Variants in SRBD1 observed in about 807,000 individuals in gnomAD.
The protein encoded by SRBD1 is S1 RNA-binding domain-containing protein 1.
Under a neutral mutation model 115.3 loss-of-function variants are expected in SRBD1, and 88 were observed. That is an observed-to-expected ratio of 0.76 (90% CI 0.64 to 0.91). The LOEUF (loss-of-function observed/expected upper bound fraction) is 0.91, where lower values mean the gene tolerates loss of function less well. Ranked by LOEUF, SRBD1 falls within the 40% of genes least tolerant of loss-of-function variation. SRBD1 has a pLI of 0.00. For missense variants in SRBD1, 1,385 were observed against 1,177.4 expected (o/e 1.18, Z -2.58); for synonymous variants, 509 against 407.7 (o/e 1.25, Z -2.99).
intron 16 of SRBD1, among the ~76,000 whole-genome samples, chr2:45,443,993 GT>G (rs547552919): frequency 6.9e-4 from 105 of 152,166 alleles, no homozygotes; most frequent in Non-Finnish European, 1.4e-3. Context: ...TGGTGCAGCT[GT>G]TTTTTATTCT....
chr2:45,546,490 G>C (rs1039741646), intron 14 of SRBD1: 22 of 408,286 alleles, frequency 5.4e-5, no homozygotes, highest in Non-Finnish European at 6.9e-5. Flanking sequence ...ATGAAACTGA[G>C]CCCTAACGTG....
chr2:45,468,204 C>T (rs549491070), intron 16 of SRBD1, among the ~76,000 whole-genome samples: 2 of 152,078 alleles, frequency 1.3e-5, no homozygotes, highest in East Asian at 3.9e-4. Flanking sequence ...TATTCTGCAA[C>T]TTACTTTCTC....
At chr2:45,565,629 C>G (rs1392841383) in intron 9 of SRBD1, among the ~76,000 whole-genome samples, 2 of 152,090 alleles carry the variant, frequency 1.3e-5, no homozygotes, top group Non-Finnish European at 2.9e-5. Flanking sequence ...TGAACTTCAA[C>G]AAATTTTAGT....
chr2:45,605,412 T>C lies in SRBD1; in HGVS notation c.30A>G (p.Val10=), dbSNP rs769738890. MSSLPRRAK[V]QVQDVVLKDE... Reference sequence around the variant, plus strand: ...CTTTCAGTACCACATCCTGGACCTGTACTTTCGCTCTTCTTGGCAATGATG... The same window carrying C: ...CTTTCAGTACCACATCCTGGACCTGCACTTTCGCTCTTCTTGGCAATGATG... The change falls in exon 2 of 21, where the codon GTA becomes GTG. Residue 10 remains valine (V), a synonymous_variant. Coordinates refer to ENST00000263736, the MANE Select transcript of SRBD1 (RefSeq NM_018079.5). 2.5e-6 allele frequency: 4 copies of C among 1,613,698 alleles called. No homozygotes were observed. The highest frequency in any genetic ancestry group is 2.7e-5 in the African/African-American group (2 of 74,926).
chr2:45,490,020 T>C (rs576555100), intron 14 of SRBD1, among the ~76,000 whole-genome samples: 3 of 152,272 alleles, frequency 2.0e-5, no homozygotes, highest in Non-Finnish European at 4.4e-5. Context: ...CTTGAGGACA[T>C]ACAGGAGTCA....
intron 4 of SRBD1, among the ~76,000 whole-genome samples, chr2:45,592,161 T>C (rs915359800): frequency 1.3e-5 from 2 of 152,126 alleles, no homozygotes; most frequent in Non-Finnish European, 1.5e-5. Context: ...CCTCCCACCA[T>C]GATTCTGAGG....
At chr2:45,498,865 A>G (rs1483519216) in intron 14 of SRBD1, among the ~76,000 whole-genome samples, 1 of 152,192 alleles carries the variant, frequency 6.6e-6, no homozygotes, top group Non-Finnish European at 1.5e-5. Flanking sequence ...CATTGTGTAT[A>G]CATACCACAT....
rs182122391 is a variant in SRBD1 at position 45,395,480 on chromosome 2, T to C, written c.2514-2351A>G. ...AGATGTAACAAGAACATTTGTCTGT[T>C]TAACCTGGGTGCGTATTTCATATAT... On this transcript the variant is annotated intron_variant, in intron 19 of 20. Coordinates refer to ENST00000263736, the MANE Select transcript of SRBD1 (RefSeq NM_018079.5). Among the ~76,000 whole-genome samples the C allele has an allele frequency of 3.1e-4, 47 of 152,318 alleles. No individual in the cohort carries two copies. In the Middle Eastern group the frequency reaches 0.014, roughly 44 times the overall value.
chr2:45,555,636 G>A (rs551181265), intron 10 of SRBD1, among the ~76,000 whole-genome samples: 1 of 151,810 alleles, frequency 6.6e-6, no homozygotes, highest in East Asian at 2.0e-4. Context: ...GACTACAGGC[G>A]CCACCATACC....
At chr2:45,536,783 G>C (rs557121318) in intron 14 of SRBD1, among the ~76,000 whole-genome samples, 64 of 152,196 alleles carry the variant, frequency 4.2e-4, no homozygotes, top group African/African-American at 1.5e-3. Context: ...AATTGTATAA[G>C]GTAGTCTGAA....
At chr2:45,557,588 TGAAAGA>T (rs981265412) in intron 10 of SRBD1, among the ~76,000 whole-genome samples, 65 of 152,324 alleles carry the variant, frequency 4.3e-4, no homozygotes, top group African/African-American at 1.5e-3. Flanking sequence ...GACCCAGCCC[TGAAAGA>T]GAACAGCTAC....
intron 15 of SRBD1, among the ~76,000 whole-genome samples, chr2:45,481,387 G>A (rs1469972912): frequency 6.6e-6 from 1 of 152,058 alleles, no homozygotes; most frequent in Non-Finnish European, 1.5e-5. Context: ...TAAGAGGGAG[G>A]TAGCTCAGGA....
At chr2:45,605,558 T>G in intron 1 of SRBD1, 117 bp from the exon 2 acceptor site, 1 of 955,098 alleles carries the variant, frequency 1.0e-6, no homozygotes, top group South Asian at 1.5e-5. Flanking sequence ...AAAACAATGA[T>G]GTTTATTCAC....
intron 1 of SRBD1, among the ~76,000 whole-genome samples, chr2:45,607,517 T>A (rs1674310297): frequency 6.6e-6 from 1 of 151,984 alleles, no homozygotes; most frequent in South Asian, 2.1e-4. Context: ...ATATGACTCC[T>A]CAAAATTCCA....
At chr2:45,574,581 C>T (rs368201765) in intron 8 of SRBD1, 46 bp downstream of exon 8, 82 of 1,558,566 alleles carry the variant, frequency 5.3e-5, no homozygotes, top group Admixed American at 7.3e-5. Flanking sequence ...TGACCCTTAA[C>T]AGCATGAGTC....
chr2:45,457,793 C>T (rs561761862), intron 16 of SRBD1, among the ~76,000 whole-genome samples: 12 of 151,982 alleles, frequency 7.9e-5, no homozygotes, highest in Middle Eastern at 3.4e-3. Flanking sequence ...AAATTTGACA[C>T]GTGCATTTAA....
At chr2:45,459,332 G>A (rs982095721) in intron 16 of SRBD1, among the ~76,000 whole-genome samples, 1 of 152,080 alleles carries the variant, frequency 6.6e-6, no homozygotes, top group African/African-American at 2.4e-5. Flanking sequence ...GCAGGCAATG[G>A]GCCTTCACTT....
intron 4 of SRBD1, among the ~76,000 whole-genome samples, chr2:45,590,618 AC>A (rs1673690713): frequency 6.6e-6 from 1 of 152,090 alleles, no homozygotes; most frequent in African/African-American, 2.4e-5. Flanking sequence ...CTCTACTTGC[AC>A]TTTTCCCTGC....
chr2:45,506,919 G>A (rs1392619953), intron 14 of SRBD1, among the ~76,000 whole-genome samples: 1 of 152,148 alleles, frequency 6.6e-6, no homozygotes, highest in Non-Finnish European at 1.5e-5. Flanking sequence ...CATGTCTGCT[G>A]TCTTTTTTCC....
Sources: allele counts gnomAD v4.1 joint callset (sites outside exome capture counted in the v4.1 genomes callset), GRCh38; gene constraint gnomAD v4.1.1; transcripts MANE v1.5; gene names NCBI Gene and HGNC (gene_info 2026-07-23, HGNC 2026-07-21).